The following RTN1 variants were observed in gnomAD, a reference collection of about 807,000 sequenced individuals.
RTN1 encodes the protein reticulon 1.
RTN1 carries 25 observed loss-of-function variants against 65.5 expected under a neutral mutation model. The observed-to-expected ratio is 0.38, with a 90% CI of 0.28 to 0.53. The LOEUF (loss-of-function observed/expected upper bound fraction) is 0.53, where lower values mean the gene tolerates loss of function less well. RTN1 is among the 20% of genes least tolerant of loss of function. RTN1 has a pLI of 0.79. For missense variants in RTN1, 983 were observed against 1,025.4 expected (o/e 0.96, Z 0.57); for synonymous variants, 471 against 447.6 (o/e 1.05, Z -0.66).
chr14:59,653,316 T>C (rs1311731788), intron 3 of RTN1, among the ~76,000 whole-genome samples: 1 of 152,162 alleles, frequency 6.6e-6, no homozygotes, highest in East Asian at 1.9e-4. Flanking sequence ...CAGAAAATTA[T>C]CTAAAACTGA....
intron 3 of RTN1, among the ~76,000 whole-genome samples, chr14:59,723,210 C>T (rs1048244365): frequency 1.3e-5 from 2 of 152,084 alleles, no homozygotes; most frequent in Non-Finnish European, 2.9e-5. Context: ...TATTAGATTA[C>T]CAGAGAGGAC....
Position 59,851,750 on chromosome 14 carries a change from G to A in RTN1, c.241+18640C>T, listed in dbSNP as rs141196488. On this transcript the variant is annotated intron_variant, in intron 1 of 8. Coordinates refer to ENST00000267484, the MANE Select transcript of RTN1 (RefSeq NM_021136.3). ...CAAGCGCCTGTAGTCCCAGCTATTC[G>A]GGAGGCTGAGGCAAGGGAATCGCTT... Among the ~76,000 whole-genome samples, 79 of 151,846 alleles carry A rather than the reference G, an allele frequency of 5.2e-4. No individual in the cohort carries two copies. In the East Asian group the frequency reaches 9.5e-3, roughly 18 times the overall value.
At chr14:59,750,863 A>T (rs1306667041) in intron 1 of RTN1, among the ~76,000 whole-genome samples, 3 of 147,284 alleles carry the variant, frequency 2.0e-5, no homozygotes, top group Non-Finnish European at 4.5e-5. Context: ...ACAGGCATGC[A>T]CCAGCATGAC....
rs928799795 is a variant in RTN1 at position 59,603,934 on chromosome 14, A to G, written c.2113-13T>C. 2 of 1,608,116 alleles carry G rather than the reference A, an allele frequency of 1.2e-6. No homozygotes were observed. The highest frequency in any genetic ancestry group is 1.3e-5 in the African/African-American group (1 of 74,904). On this transcript the variant is annotated splice_polypyrimidine_tract_variant and intron_variant, in intron 5 of 8. Coordinates refer to ENST00000267484, the MANE Select transcript of RTN1 (RefSeq NM_021136.3). ...TCAGGACTGCAAACTGAAGAACGAAAGCATTATTAGAGCTCCTAAAACCCT... is the reference window on the plus strand; with the variant it reads ...TCAGGACTGCAAACTGAAGAACGAAGGCATTATTAGAGCTCCTAAAACCCT...
intron 1 of RTN1, among the ~76,000 whole-genome samples, chr14:59,806,127 T>C (rs979799426): frequency 1.3e-5 from 2 of 151,936 alleles, no homozygotes; most frequent in African/African-American, 2.4e-5. Flanking sequence ...TCCCAGCTAC[T>C]TGGGAGGCTG....
chr14:59,742,489 T>C (rs546463026), intron 2 of RTN1, among the ~76,000 whole-genome samples: 57 of 152,318 alleles, frequency 3.7e-4, no homozygotes, highest in African/African-American at 1.3e-3. Flanking sequence ...CCTCAGTGTA[T>C]ATTATGTAGT....
At chr14:59,619,827 C>T (rs2140175456) in intron 3 of RTN1, among the ~76,000 whole-genome samples, 1 of 152,046 alleles carries the variant, frequency 6.6e-6, no homozygotes, top group East Asian at 1.9e-4. Flanking sequence ...GTAGACATAA[C>T]AAGGAAATGG....
chr14:59,603,055 T>C lies in RTN1; in HGVS notation c.2288+10A>G. On this transcript the variant is annotated intron_variant, in intron 8 of 8. Coordinates refer to ENST00000267484, the MANE Select transcript of RTN1 (RefSeq NM_021136.3). Reference sequence around the variant, plus strand: ...GTCTCTCCTTTTATGCATTGCACTATGTGACTTACTTTGCCACAACAGCAT... The same window carrying C: ...GTCTCTCCTTTTATGCATTGCACTACGTGACTTACTTTGCCACAACAGCAT... The C allele has an allele frequency of 3.7e-6, 6 of 1,612,378 alleles. No homozygotes were observed. Among genetic ancestry groups the C allele is most frequent in the Non-Finnish European group, 4.2e-6 (5 of 1,178,656 alleles).
intron 1 of RTN1, among the ~76,000 whole-genome samples, chr14:59,767,760 C>T (rs934977924): frequency 6.6e-6 from 1 of 152,188 alleles, no homozygotes; most frequent in African/African-American, 2.4e-5. Flanking sequence ...TGGTGCTTTC[C>T]TTTAGTTCTT....
rs1886022761 is a variant in RTN1 at position 59,774,934 on chromosome 14, G to C, written c.242-28453C>G. On this transcript the variant is annotated intron_variant, in intron 1 of 8. Transcript: ENST00000267484. The surrounding 1 kb of genome is among the most constrained non-coding windows in gnomAD (Gnocchi z 5.1). ...ATGCTTGACTGAATTAACATTTCAG[G>C]GGAAAACTGTTGCAATAACAGACAG... Among the ~76,000 whole-genome samples the C allele has an allele frequency of 6.6e-6, 1 of 152,132 alleles. No homozygotes were observed. Among genetic ancestry groups the C allele is most frequent in the South Asian group, 2.1e-4 (1 of 4,826 alleles).
chr14:59,644,548 A>G (rs1356505541), intron 3 of RTN1, among the ~76,000 whole-genome samples: 1 of 152,186 alleles, frequency 6.6e-6, no homozygotes, highest in Admixed American at 6.5e-5. Context: ...TGGCAAAAGC[A>G]GCTGTAACTG....
At chr14:59,771,236 A>T (rs549394385) in intron 1 of RTN1, among the ~76,000 whole-genome samples, 2 of 152,218 alleles carry the variant, frequency 1.3e-5, no homozygotes, top group Non-Finnish European at 2.9e-5. Context: ...CAGTTAGATC[A>T]GACCAAGAAG....
At chr14:59,764,323 CT>C (rs963851147) in intron 1 of RTN1, among the ~76,000 whole-genome samples, 307 of 143,882 alleles carry the variant, frequency 2.1e-3, no homozygotes, top group East Asian at 3.2e-3. Flanking sequence ...TGAAGTGCTA[CT>C]TTTTTTTTTT....
chr14:59,603,257 A>C lies in RTN1; in HGVS notation c.2184T>G (p.Ala728=). 6.2e-7 allele frequency: 1 copy of C among 1,612,128 alleles called. No individual in the cohort carries two copies. The highest frequency in any genetic ancestry group is 2.2e-5 in the East Asian group (1 of 44,802). The change falls in exon 7 of 9, where the codon GCT becomes GCG. Residue 728 remains alanine (A), a splice_region_variant and synonymous_variant. Transcript: ENST00000267484. ...CAGGTAGAGTAAACATTGAAACCAC[A>C]GCTGGGATGAAAAACAAATATAGTA... ...LFNGLTLLLM[A]VVSMFTLPVV...
intron 1 of RTN1, among the ~76,000 whole-genome samples, chr14:59,760,863 G>A (rs1195244644): frequency 2.0e-5 from 3 of 152,166 alleles, no homozygotes; most frequent in African/African-American, 7.2e-5. Context: ...TCCAACCAGA[G>A]AATACACTGT....
At chr14:59,659,884 A>G (rs1883207264) in intron 3 of RTN1, among the ~76,000 whole-genome samples, 2 of 152,330 alleles carry the variant, frequency 1.3e-5, no homozygotes, top group East Asian at 1.9e-4. Flanking sequence ...AAATTCACAT[A>G]TAACAATATT....
At position 59,702,461 on chromosome 14, in the gene RTN1, T is replaced by C. The variant is rs1173531349; in HGVS notation, c.1765+24458A>G. ...GCCAGCCCTTGGTTGTCTTTACTAC[T>C]GCACCCATTCCCTTGTGATTTCATT... On this transcript the variant is annotated intron_variant, in intron 3 of 8. Transcript: ENST00000267484. Among the ~76,000 whole-genome samples the C allele has an allele frequency of 4.6e-5, 7 of 152,360 alleles. No individual in the cohort carries two copies. In the East Asian group the frequency reaches 1.3e-3, roughly 29 times the overall value.
At chr14:59,721,656 A>G (rs1884650849) in intron 3 of RTN1, among the ~76,000 whole-genome samples, 1 of 152,228 alleles carries the variant, frequency 6.6e-6, no homozygotes, top group Non-Finnish European at 1.5e-5. Context: ...ATATTTCTCA[A>G]TCTGGGTCAC....
chr14:59,812,586 T>A (rs1886748856), intron 1 of RTN1, among the ~76,000 whole-genome samples: 1 of 152,186 alleles, frequency 6.6e-6, no homozygotes, highest in Admixed American at 6.5e-5. Context: ...TGGTAGATAT[T>A]TGATGGGTAT....
Sources: allele counts gnomAD v4.1 joint callset (sites outside exome capture counted in the v4.1 genomes callset), GRCh38; gene constraint gnomAD v4.1.1; non-coding constraint Gnocchi (gnomAD v3.1); transcripts MANE v1.5; gene names NCBI Gene and HGNC (gene_info 2026-07-23, HGNC 2026-07-21).